The following RNLS variants were observed in gnomAD, a reference collection of about 807,000 sequenced individuals.
RNLS encodes renalase.
In RNLS, 39 loss-of-function variants were observed where a neutral mutation model predicts 39.8. The observed-to-expected ratio is 0.98, with a 90% CI of 0.76 to 1.28. RNLS has a LOEUF of 1.28. Among genes scored for constraint, RNLS ranks in the 50% most tolerant of loss-of-function variants. The pLI is 0.00. For missense variants in RNLS, 410 were observed against 413.3 expected, an observed-to-expected ratio of 0.99 and a Z score of 0.07; for synonymous variants, 147 against 150.7, an observed-to-expected ratio of 0.98 and a Z score of 0.18.
intron 4 of RNLS, among the ~76,000 whole-genome samples, chr10:88,437,456 T>A (rs1475851807): frequency 6.6e-6 from 1 of 152,228 alleles, no homozygotes; most frequent in East Asian, 1.9e-4. Context: ...ACAATCATTG[T>A]ATCCAAGCTT....
At chr10:88,201,202 T>C in the RNLS span, among the ~76,000 whole-genome samples, 5 of 152,200 alleles carry the variant, frequency 3.3e-5, no homozygotes, top group Non-Finnish European at 7.4e-5. Context: ...GATTTAATTA[T>C]GTTCGAAGAT....
At chr10:88,530,126 C>A (rs916752424) in intron 4 of RNLS, among the ~76,000 whole-genome samples, 4 of 152,158 alleles carry the variant, frequency 2.6e-5, no homozygotes, top group Admixed American at 2.6e-4. Flanking sequence ...CAAATCCTGG[C>A]TCCAAGGCCT....
At chr10:88,484,777 A>G (rs1844393623) in intron 4 of RNLS, among the ~76,000 whole-genome samples, 1 of 151,962 alleles carries the variant, frequency 6.6e-6, no homozygotes, top group Non-Finnish European at 1.5e-5. Context: ...GCACACCCTT[A>G]AATTTATTAG....
At chr10:88,506,256 A>G (rs574165014) in intron 4 of RNLS, among the ~76,000 whole-genome samples, 2 of 152,268 alleles carry the variant, frequency 1.3e-5, no homozygotes, top group East Asian at 3.9e-4. Context: ...AAGACATAAC[A>G]ACCTAATACA....
At chr10:88,237,235 T>TCCCC in the RNLS span, among the ~76,000 whole-genome samples, 1 of 29,856 alleles carries the variant, frequency 3.3e-5, no homozygotes, top group African/African-American at 1.2e-4. Context: ...CCTCCCTCCC[T>TCCCC]CCCTCCCTTC....
At chr10:88,250,938 C>T in the RNLS span, among the ~76,000 whole-genome samples, 1 of 152,178 alleles carries the variant, frequency 6.6e-6, no homozygotes, top group Non-Finnish European at 1.5e-5. Flanking sequence ...AATAATATGG[C>T]AAACTGCACT....
rs1847531319 is a variant in RNLS at position 88,533,026 on chromosome 10, AC to A, written c.526+39876del. Among the ~76,000 whole-genome samples, 4 of 152,238 alleles carry A rather than the reference AC, an allele frequency of 2.6e-5. No individual in the cohort carries two copies. The South Asian group carries it at 6.2e-4, about 24-fold the overall frequency. On this transcript the variant is annotated intron_variant, in intron 4 of 6. Transcript: ENST00000331772. ...TCATGTTATTGAATTATTCTGTCAT[AC>A]AATTGTTAGAAAATTGTGCCCCAAC...
chr10:88,491,497 G>C (rs1844875725), intron 4 of RNLS, among the ~76,000 whole-genome samples: 1 of 152,012 alleles, frequency 6.6e-6, no homozygotes, highest in African/African-American at 2.4e-5. Flanking sequence ...CTGATGGCAG[G>C]GATATATGTT....
chr10:88,203,292 GTA>G, the RNLS span, among the ~76,000 whole-genome samples: 10 of 12,956 alleles, frequency 7.7e-4, 1 homozygote, highest in South Asian at 3.2e-3. Flanking sequence ...ATATATATAC[GTA>G]TGTATATATA....
chr10:88,516,869 T>G (rs1846433189), intron 4 of RNLS, among the ~76,000 whole-genome samples: 1 of 152,010 alleles, frequency 6.6e-6, no homozygotes. Flanking sequence ...AAACTGTCCA[T>G]TTCCCTTCAG....
At chr10:88,376,229 T>C (rs939912297) in intron 4 of RNLS, among the ~76,000 whole-genome samples, 1 of 152,124 alleles carries the variant, frequency 6.6e-6, no homozygotes, top group African/African-American at 2.4e-5. Flanking sequence ...GCATCCACTG[T>C]TCCCCAAGTG....
intron 6 of RNLS, among the ~76,000 whole-genome samples, chr10:88,313,543 T>C (rs999135540): frequency 6.6e-6 from 1 of 152,198 alleles, no homozygotes; most frequent in Non-Finnish European, 1.5e-5. Flanking sequence ...GAGTAAAACA[T>C]AGACCTGCTA....
intron 4 of RNLS, among the ~76,000 whole-genome samples, chr10:88,533,740 C>A (rs1057417919): frequency 6.6e-6 from 1 of 152,042 alleles, no homozygotes; most frequent in Admixed American, 6.6e-5. Flanking sequence ...GGGAGTGACA[C>A]TGCACTGAAC....
intron 3 of RNLS, among the ~76,000 whole-genome samples, chr10:88,575,266 A>G (rs28734131): frequency 1.4e-5 from 2 of 142,606 alleles, no homozygotes; most frequent in African/African-American, 5.2e-5. Context: ...GTATATGTAT[A>G]TGTGTGTGTG....
intron 5 of RNLS, among the ~76,000 whole-genome samples, chr10:88,326,355 G>C (rs1846606540): frequency 6.6e-6 from 1 of 152,228 alleles, no homozygotes; most frequent in South Asian, 2.1e-4. Flanking sequence ...GGTGATCTCA[G>C]ATGGAGATGA....
intron 4 of RNLS, among the ~76,000 whole-genome samples, chr10:88,459,776 T>C (rs1051201935): frequency 1.3e-5 from 2 of 152,196 alleles, no homozygotes; most frequent in African/African-American, 4.8e-5. Flanking sequence ...TTCTGTTCAC[T>C]GAAAGACATT....
chr10:88,228,569 C>A, the RNLS span, among the ~76,000 whole-genome samples: 1 of 152,240 alleles, frequency 6.6e-6, no homozygotes, highest in Admixed American at 6.5e-5. Flanking sequence ...CATTCCACAA[C>A]AACTTCCATA....
At chr10:88,327,803 A>T (rs1846740179) in intron 5 of RNLS, among the ~76,000 whole-genome samples, 1 of 152,184 alleles carries the variant, frequency 6.6e-6, no homozygotes, top group Non-Finnish European at 1.5e-5. Context: ...GAGTTTCACC[A>T]TGTTGCCCAG....
At position 88,368,766 on chromosome 10, in the gene RNLS, G is replaced by T. The variant is rs550497506; in HGVS notation, c.527-6041C>A. On this transcript the variant is annotated intron_variant, in intron 4 of 6. Coordinates refer to ENST00000331772, the MANE Select transcript of RNLS (RefSeq NM_001031709.3). ...AATTAACACTATTATGCACATCTTT[G>T]TGCAGATTTTTATCTATGTTTCTAA... is the stretch of plus-strand genomic sequence containing the variant. 9.9e-5 allele frequency among the ~76,000 whole-genome samples: 15 copies of T among 151,900 alleles called. No homozygotes were observed. The East Asian group carries it at 1.2e-3, about 12-fold the overall frequency.
Sources: gnomAD v4.1 joint callset for allele counts (sites outside exome capture counted in the v4.1 genomes callset) on GRCh38, gnomAD v4.1.1 for gene constraint, MANE v1.5 for transcripts, NCBI Gene and HGNC (gene_info 2026-07-23, HGNC 2026-07-21) for gene names.